The following WWP2 variants were observed in gnomAD, a reference collection of about 807,000 sequenced individuals.
The protein encoded by WWP2 is WW domain containing E3 ubiquitin protein ligase 2.
WWP2 carries 57 observed loss-of-function variants against 121.0 expected under a neutral mutation model. The observed-to-expected ratio is 0.47, with a 90% CI of 0.38 to 0.59. The LOEUF is 0.59. WWP2 is among the 20% of genes least tolerant of loss of function. The pLI is 0.00. For missense variants in WWP2, 962 were observed against 1,158.9 expected, an observed-to-expected ratio of 0.83 and a Z score of 2.47; for synonymous variants, 449 against 441.3, an observed-to-expected ratio of 1.02 and a Z score of -0.22.
intron 16 of WWP2, among the ~76,000 whole-genome samples, chr16:69,932,115 A>T (rs757836103): frequency 6.6e-6 from 1 of 152,224 alleles, no homozygotes; most frequent in Non-Finnish European, 1.5e-5. Flanking sequence ...GGATCACCTG[A>T]GGTCGGGGGT....
chr16:69,776,983 C>G (rs2055543971), intron 1 of WWP2, among the ~76,000 whole-genome samples: 1 of 151,838 alleles, frequency 6.6e-6, no homozygotes, highest in South Asian at 2.1e-4. Context: ...TAGTCTCAAG[C>G]TTTTTTGACT....
rs138306908 is a variant in WWP2, at chr16:69,882,317, T to C, written c.704-5722T>C. ...ATGTCAGGTGGTTTTATTTCAAATA[T>C]CTTTCTTTTATTTTTTAGTTTTTAA... On this transcript the variant is annotated intron_variant, in intron 7 of 23. Coordinates refer to ENST00000359154, the MANE Select transcript of WWP2 (RefSeq NM_001270454.2). Among the ~76,000 whole-genome samples the C allele has an allele frequency of 7.7e-3, 1,173 of 152,334 alleles. 16 individuals are homozygous for C. The highest frequency in any genetic ancestry group is 0.027 in the African/African-American group (1,128 of 41,572).
At chr16:69,818,038 A>G (rs1411031219) in intron 4 of WWP2, among the ~76,000 whole-genome samples, 1 of 152,012 alleles carries the variant, frequency 6.6e-6, no homozygotes, top group Admixed American at 6.6e-5. Flanking sequence ...GTCTGGACCA[A>G]TTTACACACT....
rs548920891 is a variant in WWP2 at position 69,845,522 on chromosome 16, A to G, written c.575+3402A>G. ...TTTTTCTTGGACTTGGGTGCTATTCACTGTGATCAAACAAAGGTGCTCTGA... is the reference window on the plus strand; with the variant it reads ...TTTTTCTTGGACTTGGGTGCTATTCGCTGTGATCAAACAAAGGTGCTCTGA... On this transcript the variant is annotated intron_variant, in intron 6 of 23. Coordinates refer to ENST00000359154, the MANE Select transcript of WWP2 (RefSeq NM_001270454.2). 2.0e-5 allele frequency among the ~76,000 whole-genome samples: 3 copies of G among 152,230 alleles called. No individual in the cohort carries two copies. The South Asian group carries it at 6.2e-4, about 32-fold the overall frequency.
chr16:69,919,616 G>T (rs965896296), intron 10 of WWP2, among the ~76,000 whole-genome samples: 7 of 152,312 alleles, frequency 4.6e-5, no homozygotes, highest in East Asian at 1.9e-4. Flanking sequence ...TGAGCTGGAG[G>T]TGGGGAAGCC....
intron 8 of WWP2, among the ~76,000 whole-genome samples, chr16:69,906,096 G>A (rs1161325265): frequency 6.7e-6 from 1 of 148,604 alleles, no homozygotes; most frequent in Admixed American, 6.7e-5. Flanking sequence ...TTTTTGAGAC[G>A]GAGTCTTGCT....
intron 11 of WWP2, among the ~76,000 whole-genome samples, chr16:69,928,613 G>C (rs1475281783): frequency 6.6e-6 from 1 of 152,150 alleles, no homozygotes; most frequent in Non-Finnish European, 1.5e-5. Flanking sequence ...TTAGGCCTAA[G>C]AACAGGATAG....
chr16:69,838,446 A>T (rs1316116716), intron 4 of WWP2, among the ~76,000 whole-genome samples: 4 of 3,780 alleles, frequency 1.1e-3, no homozygotes, highest in East Asian at 4.2e-3. Context: ...TCCTTGACTT[A>T]AAAAAAAAAA....
At chr16:69,782,293 A>G (rs570268510) in intron 1 of WWP2, among the ~76,000 whole-genome samples, 2 of 152,244 alleles carry the variant, frequency 1.3e-5, no homozygotes, top group East Asian at 3.9e-4. Context: ...AAACAAACAA[A>G]CAGACAAACA....
rs372418153 is a variant in WWP2 at position 69,819,862 on chromosome 16, T to C, written c.341-20264T>C. Among the ~76,000 whole-genome samples, 4 of 152,216 alleles carry C rather than the reference T, an allele frequency of 2.6e-5. No individual in the cohort carries two copies. In the East Asian group the frequency reaches 5.8e-4, roughly 22 times the overall value. On this transcript the variant is annotated intron_variant, in intron 4 of 23. Transcript: ENST00000359154. The stretch of plus-strand genomic sequence containing the variant: ...ATCCTTTGTGCCCATTTATAGTGAA[T>C]TCCCCTTTCCACCTCCAGCCCCTGG...
chr16:69,828,547 G>A lies in WWP2; in HGVS notation c.341-11579G>A, dbSNP rs570412100. On this transcript the variant is annotated intron_variant, in intron 4 of 23. Transcript: ENST00000359154. ...ACACCCCGCTAATTTTGTATTTTTCGTAGAGACGGGTTTCTCCATGTTGGT... is the reference window on the plus strand; with the variant it reads ...ACACCCCGCTAATTTTGTATTTTTCATAGAGACGGGTTTCTCCATGTTGGT... Among the ~76,000 whole-genome samples, 5 of 152,062 alleles carry A rather than the reference G, an allele frequency of 3.3e-5. No individual in the cohort carries two copies. The South Asian group carries it at 6.2e-4, about 19-fold the overall frequency.
intron 2 of WWP2, among the ~76,000 whole-genome samples, chr16:69,797,769 A>C (rs956005005): frequency 8.6e-5 from 13 of 152,008 alleles, no homozygotes; most frequent in East Asian, 1.9e-4. Flanking sequence ...GGCGCCTGTA[A>C]TCCCAGCTAC....
chr16:69,907,665 T>C (rs749170429), intron 8 of WWP2, among the ~76,000 whole-genome samples: 1 of 152,164 alleles, frequency 6.6e-6, no homozygotes, highest in Non-Finnish European at 1.5e-5. Flanking sequence ...AAGTGGTCCT[T>C]GGCTGTATTT....
chr16:69,906,468 G>A (rs2058295595), intron 8 of WWP2, among the ~76,000 whole-genome samples: 1 of 152,180 alleles, frequency 6.6e-6, no homozygotes, highest in Admixed American at 6.5e-5. Context: ...GTGAGTACAG[G>A]TAATATCTAT....
At chr16:69,809,505 G>A (rs1275132555) in intron 4 of WWP2, among the ~76,000 whole-genome samples, 7 of 151,998 alleles carry the variant, frequency 4.6e-5, no homozygotes, top group East Asian at 1.9e-4. Context: ...GGTGGCTCAC[G>A]CCTGTAATCC....
At chr16:69,931,670 G>A in intron 15 of WWP2, 90 bp downstream of exon 15, 1 of 1,586,204 alleles carries the variant, frequency 6.3e-7, no homozygotes, top group Non-Finnish European at 8.7e-7. Context: ...AACCCACACT[G>A]CAGACTTTCC....
intron 7 of WWP2, among the ~76,000 whole-genome samples, chr16:69,877,251 T>C (rs1243106531): frequency 6.6e-6 from 1 of 152,238 alleles, no homozygotes; most frequent in Non-Finnish European, 1.5e-5. Context: ...CAGCATTTTC[T>C]TCACTTGGAC....
At position 69,762,375 on chromosome 16, in the gene WWP2, T is replaced by C. The variant is rs1251173865; in HGVS notation, c.-32T>C. The C allele has an allele frequency of 6.6e-6, 1 of 150,730 alleles. No individual in the cohort carries two copies. The highest frequency in any genetic ancestry group is 2.0e-4 in the East Asian group (1 of 5,108). 9.3% of individuals were successfully genotyped at this position (150,730 alleles called of 1,614,324 possible). ...AAGTAGGAGAGGAGTTCGGCGCCGC[T>C]TCTGTGGCCACGGCAGGTAGCGAGC... On this transcript the variant is annotated 5_prime_UTR_variant, in exon 1 of 24. Coordinates refer to ENST00000359154, the MANE Select transcript of WWP2 (RefSeq NM_001270454.2).
chr16:69,864,238 C>T (rs747569170), intron 6 of WWP2, among the ~76,000 whole-genome samples: 7 of 151,894 alleles, frequency 4.6e-5, no homozygotes, highest in Non-Finnish European at 8.8e-5. Flanking sequence ...CATGGTGGTG[C>T]GCACCTGTGA....
Sources: allele counts gnomAD v4.1 joint callset (sites outside exome capture counted in the v4.1 genomes callset), GRCh38; gene constraint gnomAD v4.1.1; transcripts MANE v1.5; gene names NCBI Gene and HGNC (gene_info 2026-07-23, HGNC 2026-07-21).